CUX2: variants seen among roughly 807,000 people sequenced by gnomAD.
CUX2 encodes cut like homeobox 2, also known as homeobox protein cut-like 2.
Under a neutral mutation model 144.8 loss-of-function variants are expected in CUX2, and 40 were observed. The observed-to-expected ratio is 0.28, with a 90% CI of 0.21 to 0.36. The LOEUF (loss-of-function observed/expected upper bound fraction) is 0.36, where lower values mean the gene tolerates loss of function less well. Ranked by LOEUF, CUX2 falls within the 10% of genes least tolerant of loss-of-function variation. The pLI is 1.00. For synonymous variants in CUX2, 827 were observed against 875.6 expected (o/e 0.94, Z 0.98); for missense variants, 1,615 against 1,994.0 (o/e 0.81, Z 3.62).
chr12:111,320,555 C>A lies in CUX2; in HGVS notation c.2546C>A (p.Thr849Lys), dbSNP rs1486606771. 9 of 1,535,800 alleles carry A rather than the reference C, an allele frequency of 5.9e-6. No homozygotes were observed. Among genetic ancestry groups the A allele is most frequent in the Non-Finnish European group, 7.8e-6 (9 of 1,149,318 alleles). Reference protein sequence around the residue: ...AAGAEDEPPRTGELKAEGATA... With the variant: ...AAGAEDEPPRKGELKAEGATA... ...GGGGCGGAGGACGAACCCCCCAGGA[C>A]GGGCGAGCTCAAGGCTGAGGGCGCG... The change falls in exon 17 of 22, where the codon ACG becomes AAG. Residue 849 changes from threonine to lysine, a missense_variant. Thr to Lys is a moderately conservative substitution (Grantham distance 78, BLOSUM62 -1). Around this residue, in one of 12 missense-constraint regions of CUX2, gnomAD observed 390 missense variants for 387.1 expected, o/e 1.01. Coordinates refer to ENST00000261726, the MANE Select transcript of CUX2 (RefSeq NM_015267.4). This position sits in a 1 kb window ranked among gnomAD's most constrained non-coding sequence, Gnocchi z 8.1.
chr12:111,129,837 G>A (rs9651896), intron 1 of CUX2, among the ~76,000 whole-genome samples: 3,941 of 152,248 alleles, frequency 0.026, 162 homozygotes, highest in African/African-American at 0.089. Context: ...TGTCTGCTGG[G>A]TATGTCTATT....
intron 1 of CUX2, among the ~76,000 whole-genome samples, chr12:111,165,065 C>T (rs1878050666): frequency 6.6e-6 from 1 of 152,204 alleles, no homozygotes; most frequent in Non-Finnish European, 1.5e-5. Context: ...GCCACCACTC[C>T]ACTGTTCAAT....
At chr12:111,280,389 G>A (rs1247388064) in intron 4 of CUX2, among the ~76,000 whole-genome samples, 1 of 152,196 alleles carries the variant, frequency 6.6e-6, no homozygotes, top group African/African-American at 2.4e-5. Flanking sequence ...AAGCCAGATT[G>A]CCAGTGACAC....
intron 1 of CUX2, among the ~76,000 whole-genome samples, chr12:111,197,718 AAGG>A (rs1177836122): frequency 2.0e-5 from 3 of 152,206 alleles, no homozygotes; most frequent in African/African-American, 7.2e-5. Context: ...AGGCCAGTCT[AAGG>A]TCATCCAAGG....
At chr12:111,169,192 G>A (rs918408717) in intron 1 of CUX2, among the ~76,000 whole-genome samples, 2 of 152,190 alleles carry the variant, frequency 1.3e-5, no homozygotes, top group Admixed American at 6.5e-5. Context: ...AGAAAGTCAT[G>A]TGATGACAGA....
At chr12:111,247,231 C>G (rs1006757776) in intron 3 of CUX2, among the ~76,000 whole-genome samples, 7 of 152,158 alleles carry the variant, frequency 4.6e-5, no homozygotes, top group Non-Finnish European at 1.0e-4. Flanking sequence ...CAGCAAGGAC[C>G]CCGGCTAGAC....
chr12:111,079,476 G>A (rs976470371), intron 1 of CUX2, among the ~76,000 whole-genome samples: 10 of 152,076 alleles, frequency 6.6e-5, no homozygotes, highest in Admixed American at 3.3e-4. Flanking sequence ...CTACCTGGTC[G>A]CTCAAGCCCC....
At chr12:111,088,817 C>T (rs569539111) in intron 1 of CUX2, among the ~76,000 whole-genome samples, 2 of 152,172 alleles carry the variant, frequency 1.3e-5, no homozygotes, top group Non-Finnish European at 2.9e-5. Flanking sequence ...GCTCACCTGT[C>T]GTGCATGGAC....
At chr12:111,262,183 T>C (rs576023108) in intron 3 of CUX2, among the ~76,000 whole-genome samples, 3 of 152,308 alleles carry the variant, frequency 2.0e-5, no homozygotes, top group African/African-American at 7.2e-5. Flanking sequence ...CCCACCGGAC[T>C]GTAAGTCCCA....
intron 1 of CUX2, among the ~76,000 whole-genome samples, chr12:111,038,910 G>A (rs1869596798): frequency 6.6e-6 from 1 of 151,634 alleles, no homozygotes; most frequent in African/African-American, 2.4e-5. Flanking sequence ...AGAGGGAACA[G>A]CTTTTCTGAT....
At chr12:111,327,079 A>G (rs1806937839) in intron 18 of CUX2, among the ~76,000 whole-genome samples, 1 of 152,092 alleles carries the variant, frequency 6.6e-6, no homozygotes, top group Non-Finnish European at 1.5e-5. Context: ...TCCAGCAGTC[A>G]TTGCCCATCC....
At chr12:111,253,431 G>A (rs1016570487) in intron 3 of CUX2, among the ~76,000 whole-genome samples, 1 of 151,948 alleles carries the variant, frequency 6.6e-6, no homozygotes. Context: ...TGCCGTTCTC[G>A]CTGTCTGCAA....
chr12:111,342,786 C>T (rs1324493039), intron 21 of CUX2, among the ~76,000 whole-genome samples: 1 of 151,850 alleles, frequency 6.6e-6, no homozygotes, highest in Non-Finnish European at 1.5e-5. Flanking sequence ...TAATGAAACC[C>T]CATTTCTTTG....
chr12:111,074,553 A>G (rs1179767298), intron 1 of CUX2, among the ~76,000 whole-genome samples: 1 of 151,960 alleles, frequency 6.6e-6, no homozygotes, highest in African/African-American at 2.4e-5. Flanking sequence ...TGTGGCCTTC[A>G]GCTTGGACAG....
intron 1 of CUX2, among the ~76,000 whole-genome samples, chr12:111,040,408 C>A (rs1447822727): frequency 6.6e-6 from 1 of 152,102 alleles, no homozygotes; most frequent in Admixed American, 6.5e-5. Context: ...CCCTCTCCAA[C>A]CACTGTACCG....
At chr12:111,217,991 C>G in intron 3 of CUX2, 54 bp downstream of exon 3, 2 of 1,597,638 alleles carry the variant, frequency 1.3e-6, no homozygotes, top group Non-Finnish European at 1.7e-6. Flanking sequence ...GGCTCCCCCT[C>G]CTATCCCACC....
chr12:111,091,052 C>T (rs1185294943), intron 1 of CUX2, among the ~76,000 whole-genome samples: 3 of 152,180 alleles, frequency 2.0e-5, no homozygotes, highest in South Asian at 2.1e-4. Flanking sequence ...CCGGCTGCGC[C>T]GTGTCCTCAC....
intron 16 of CUX2, among the ~76,000 whole-genome samples, chr12:111,314,105 CT>C (rs1887051075): frequency 6.6e-6 from 1 of 152,220 alleles, no homozygotes; most frequent in African/African-American, 2.4e-5. Context: ...GTAAAATCCC[CT>C]GAGCCTAATT....
At chr12:111,327,267 T>A (rs1194511308) in intron 18 of CUX2, among the ~76,000 whole-genome samples, 5 of 152,258 alleles carry the variant, frequency 3.3e-5, no homozygotes, top group Non-Finnish European at 7.3e-5. Flanking sequence ...TCCTTTTTTA[T>A]GGCTAAATGA....
Sources: gnomAD v4.1 joint callset for allele counts (sites outside exome capture counted in the v4.1 genomes callset) on GRCh38, gnomAD v4.1.1 for gene constraint, gnomAD v4.1.1 regional missense constraint, Gnocchi (gnomAD v3.1) non-coding constraint, MANE v1.5 for transcripts, NCBI Gene and HGNC (gene_info 2026-07-23, HGNC 2026-07-21) for gene names.